SPIDR: variants seen among roughly 807,000 people sequenced by gnomAD.
SPIDR encodes scaffold protein involved in DNA repair, also known as DNA repair-scaffolding protein.
SPIDR carries 93 observed loss-of-function variants against 104.6 expected under a neutral mutation model. The observed-to-expected ratio is 0.89, with a 90% CI of 0.75 to 1.06. The LOEUF is 1.06. Ranked by LOEUF, SPIDR falls within the 50% of genes least tolerant of loss-of-function variation. The pLI is 0.00. For missense variants in SPIDR, 1,154 were observed against 1,111.2 expected, an observed-to-expected ratio of 1.04 and a Z score of -0.55; for synonymous variants, 431 against 416.9, an observed-to-expected ratio of 1.03 and a Z score of -0.41.
At chr8:47,471,758 T>C (rs2075740680) in intron 8 of SPIDR, among the ~76,000 whole-genome samples, 1 of 152,206 alleles carries the variant, frequency 6.6e-6, no homozygotes, top group African/African-American at 2.4e-5. Context: ...TTAAAAGTTA[T>C]TATTGGCTAC....
intron 5 of SPIDR, among the ~76,000 whole-genome samples, chr8:47,363,872 C>G (rs1441384117): frequency 1.3e-5 from 2 of 149,964 alleles, no homozygotes; most frequent in South Asian, 2.1e-4. Flanking sequence ...CTGTCTCTCT[C>G]TCTTTCATTT....
intron 8 of SPIDR, among the ~76,000 whole-genome samples, chr8:47,521,072 A>T (rs1263073382): frequency 6.6e-6 from 1 of 152,204 alleles, no homozygotes; most frequent in East Asian, 1.9e-4. Flanking sequence ...TGAATGTTGG[A>T]TCCAAGACGT....
intron 10 of SPIDR, chr8:47,659,587 T>G (rs2073672768): frequency 5.5e-6 from 2 of 366,236 alleles, no homozygotes; most frequent in Non-Finnish European, 7.6e-6. Context: ...GCTACAGGAG[T>G]GGGCGAGGCC....
chr8:47,624,603 A>G (rs1021475825), intron 10 of SPIDR, among the ~76,000 whole-genome samples: 6 of 152,222 alleles, frequency 3.9e-5, no homozygotes, highest in African/African-American at 1.4e-4. Flanking sequence ...AGAATACTAT[A>G]AACACCTCTA....
intron 5 of SPIDR, among the ~76,000 whole-genome samples, chr8:47,395,416 T>C (rs1554657725): frequency 6.6e-6 from 1 of 152,178 alleles, no homozygotes; most frequent in Non-Finnish European, 1.5e-5. Flanking sequence ...TTTATGTAGA[T>C]TTGCTAATGA....
intron 10 of SPIDR, among the ~76,000 whole-genome samples, chr8:47,647,663 A>AGAGAGAGG (rs2070766164): frequency 7.4e-6 from 1 of 134,464 alleles, no homozygotes; most frequent in Non-Finnish European, 1.6e-5. Context: ...AGGGAGAGAG[A>AGAGAGAGG]GAGAGGGAGA....
intron 6 of SPIDR, among the ~76,000 whole-genome samples, chr8:47,404,098 G>A (rs1554665630): frequency 6.6e-6 from 1 of 152,100 alleles, no homozygotes; most frequent in Admixed American, 6.6e-5. Context: ...GAAGAAATGG[G>A]GAAAGGATTC....
chr8:47,488,938 G>C (rs573676395), intron 8 of SPIDR, among the ~76,000 whole-genome samples: 1 of 152,100 alleles, frequency 6.6e-6, no homozygotes, highest in Non-Finnish European at 1.5e-5. Context: ...TTGAAAACTC[G>C]CACAAGACAG....
chr8:47,322,334 A>G (rs1469535066), intron 5 of SPIDR, among the ~76,000 whole-genome samples: 1 of 152,232 alleles, frequency 6.6e-6, no homozygotes, highest in East Asian at 1.9e-4. Context: ...GACACTTGAA[A>G]AGATGCTCAT....
At chr8:47,729,131 C>T (rs756211797) in intron 18 of SPIDR, 84 bp downstream of exon 18, 147 of 1,561,550 alleles carry the variant, frequency 9.4e-5, no homozygotes, top group Non-Finnish European at 1.2e-4. Flanking sequence ...AGGTGCACGT[C>T]CTCCTGTACG....
chr8:47,508,785 G>T (rs1004398191), intron 8 of SPIDR, among the ~76,000 whole-genome samples: 6 of 152,068 alleles, frequency 3.9e-5, no homozygotes, highest in East Asian at 3.9e-4. Flanking sequence ...CCACCATCAG[G>T]ACACAGAGGT....
chr8:47,476,989 T>C (rs1236945603), intron 8 of SPIDR, among the ~76,000 whole-genome samples: 1 of 152,230 alleles, frequency 6.6e-6, no homozygotes, highest in Non-Finnish European at 1.5e-5. Context: ...CAATTTCTGT[T>C]AATATCTGTT....
chr8:47,673,522 G>A (rs921566426), intron 10 of SPIDR: 1 of 526,360 alleles, frequency 1.9e-6, no homozygotes. Flanking sequence ...TTAGGTTTTA[G>A]TTTCATGCCT....
intron 16 of SPIDR, among the ~76,000 whole-genome samples, chr8:47,725,084 T>C (rs1318700775): frequency 1.3e-5 from 2 of 152,186 alleles, no homozygotes; most frequent in African/African-American, 4.8e-5. Flanking sequence ...CCTGACTTCT[T>C]TCCATCAGGA....
At chr8:47,651,185 C>T (rs2154456865) in intron 10 of SPIDR, among the ~76,000 whole-genome samples, 1 of 152,218 alleles carries the variant, frequency 6.6e-6, no homozygotes, top group South Asian at 2.1e-4. Context: ...TATTTGTAAA[C>T]TGTGCATCTG....
At chr8:47,637,242 A>C (rs1229381785) in intron 10 of SPIDR, among the ~76,000 whole-genome samples, 1 of 152,112 alleles carries the variant, frequency 6.6e-6, no homozygotes, top group Non-Finnish European at 1.5e-5. Flanking sequence ...TTATGACTTT[A>C]ACAGTTTTGA....
intron 1 of SPIDR, among the ~76,000 whole-genome samples, chr8:47,265,535 G>A (rs2033771741): frequency 6.6e-6 from 1 of 151,960 alleles, no homozygotes; most frequent in Non-Finnish European, 1.5e-5. Flanking sequence ...AGAGGAAAGA[G>A]AGCTTTTATT....
chr8:47,602,079 G>A (rs2062367375), intron 10 of SPIDR, among the ~76,000 whole-genome samples: 1 of 152,240 alleles, frequency 6.6e-6, no homozygotes, highest in African/African-American at 2.4e-5. Context: ...ACATTTAGCA[G>A]TATGCATTCT....
Position 47,553,363 on chromosome 8 carries a change from C to T in SPIDR, c.1098-42448C>T, listed in dbSNP as rs1042961359. The stretch of plus-strand genomic sequence containing the variant: ...TTTTCCAACTTGGTTCCATTCTCCC[C>T]GTCACTTTCAGGTACACCAATCAGA... On this transcript the variant is annotated intron_variant, in intron 8 of 19. Coordinates refer to ENST00000297423, the MANE Select transcript of SPIDR (RefSeq NM_001080394.4). 7.2e-5 allele frequency among the ~76,000 whole-genome samples: 11 copies of T among 152,320 alleles called. No homozygotes were observed. The East Asian group carries it at 9.6e-4, about 13-fold the overall frequency.
Sources: gnomAD v4.1 joint callset for allele counts (sites outside exome capture counted in the v4.1 genomes callset) on GRCh38, gnomAD v4.1.1 for gene constraint, MANE v1.5 for transcripts, NCBI Gene and HGNC (gene_info 2026-07-23, HGNC 2026-07-21) for gene names.